The following TRAPPC11 variants were observed in gnomAD, a reference collection of about 807,000 sequenced individuals.
TRAPPC11 encodes the protein trafficking protein particle complex subunit 11, also known as foie gras homolog.
TRAPPC11 carries 104 observed loss-of-function variants against 151.2 expected under a neutral mutation model. That is an observed-to-expected ratio of 0.69 (90% CI 0.59 to 0.81). TRAPPC11 has a LOEUF of 0.81. TRAPPC11 is among the 30% of genes least tolerant of loss of function. The pLI, the probability that TRAPPC11 is intolerant of heterozygous loss-of-function variation, is 0.00. For synonymous variants in TRAPPC11, 456 were observed against 472.3 expected (o/e 0.97, Z 0.45); for missense variants, 1,230 against 1,349.6 (o/e 0.91, Z 1.39).
At chr4:183,687,137 T>C (rs1309557540) in intron 18 of TRAPPC11, among the ~76,000 whole-genome samples, 1 of 152,066 alleles carries the variant, frequency 6.6e-6, no homozygotes. Context: ...GCTGAGATCG[T>C]GCCACTGCAC....
intron 21 of TRAPPC11, 26 bp downstream of exon 21, chr4:183,693,763 A>G: frequency 6.2e-7 from 1 of 1,610,690 alleles, no homozygotes; most frequent in Non-Finnish European, 8.5e-7. Flanking sequence ...TGTAAGTTTG[A>G]TCAGTATTAA....
rs59341928 is a variant in TRAPPC11 at position 183,692,854 on chromosome 4, A to G, written c.2050-106A>G. On this transcript the variant is annotated intron_variant, in intron 19 of 29. Coordinates refer to ENST00000334690, the MANE Select transcript of TRAPPC11 (RefSeq NM_021942.6). ...CACTTCTGTCACACTGGGGGTCTCT[A>G]GATGAACTCCATGGTCTTAGCAGTC... is the stretch of plus-strand genomic sequence containing the variant. 0.24 allele frequency: 235,483 copies of G among 998,222 alleles called. 28,870 individuals carry two copies. Among genetic ancestry groups the G allele is most frequent in the African/African-American group, 0.33 (20,024 of 60,528 alleles). The allele number at this position is 998,222 out of a possible 1,614,324, so 61.8% of individuals were successfully genotyped here. A position where few individuals can be genotyped will look rare whatever the true frequency, so the allele number is the denominator to read the frequency against.
intron 4 of TRAPPC11, among the ~76,000 whole-genome samples, chr4:183,667,460 A>C (rs1259830571): frequency 6.6e-6 from 1 of 152,148 alleles, no homozygotes; most frequent in Non-Finnish European, 1.5e-5. Flanking sequence ...AAGCTTTCCA[A>C]AAAAGAATAT....
At chr4:183,675,511 C>A in intron 7 of TRAPPC11, 1 of 196,150 alleles carries the variant, frequency 5.1e-6, no homozygotes, top group Non-Finnish European at 1.0e-5. Flanking sequence ...AAAATTTTCC[C>A]CATCTTCTTG....
At chr4:183,698,550 A>G (rs571428091) in intron 25 of TRAPPC11, among the ~76,000 whole-genome samples, 1 of 152,176 alleles carries the variant, frequency 6.6e-6, no homozygotes, top group Non-Finnish European at 1.5e-5. Flanking sequence ...ATGAACTTGG[A>G]TGGTTCCTTT....
At chr4:183,676,864 A>C (rs1215814311) in intron 7 of TRAPPC11, among the ~76,000 whole-genome samples, 1 of 152,172 alleles carries the variant, frequency 6.6e-6, no homozygotes, top group East Asian at 1.9e-4. Flanking sequence ...TCCTGGGTTC[A>C]AGGGATTCTC....
intron 18 of TRAPPC11, among the ~76,000 whole-genome samples, chr4:183,687,161 C>G (rs1016059532): frequency 2.6e-5 from 4 of 152,030 alleles, no homozygotes; most frequent in Non-Finnish European, 5.9e-5. Flanking sequence ...AGCCTGGTGA[C>G]AGAGCAAGAT....
intron 16 of TRAPPC11, 23 bp from the exon 17 acceptor site, chr4:183,685,247 GA>G (rs756347662): frequency 8.1e-6 from 13 of 1,611,924 alleles, no homozygotes; most frequent in Non-Finnish European, 1.1e-5. Flanking sequence ...TAGTTGAATG[GA>G]TGTTAACTCT....
At chr4:183,677,881 T>C (rs1382745503) in intron 8 of TRAPPC11, among the ~76,000 whole-genome samples, 1 of 152,180 alleles carries the variant, frequency 6.6e-6, no homozygotes, top group African/African-American at 2.4e-5. Context: ...ATTAGAACTA[T>C]GTGACTTCTT....
At chr4:183,667,224 C>A in intron 4 of TRAPPC11, 94 bp downstream of exon 4, 1 of 955,276 alleles carries the variant, frequency 1.0e-6, no homozygotes, top group Non-Finnish European at 1.6e-6. Flanking sequence ...ATCTTTTATG[C>A]ATTCAGTTAT....
At chr4:183,678,358 C>G (rs921484888) in intron 8 of TRAPPC11, among the ~76,000 whole-genome samples, 3 of 152,184 alleles carry the variant, frequency 2.0e-5, no homozygotes, top group Non-Finnish European at 4.4e-5. Context: ...TCACATTCAT[C>G]TTAAAGATGC....
intron 19 of TRAPPC11, among the ~76,000 whole-genome samples, chr4:183,692,573 A>G (rs1049911784): frequency 3.9e-5 from 6 of 152,198 alleles, no homozygotes; most frequent in Non-Finnish European, 7.3e-5. Flanking sequence ...TTTTTGAGAA[A>G]AATATTTGTG....
At position 183,685,133 on chromosome 4, in the gene TRAPPC11, A is replaced by G. The variant is rs1330498221; in HGVS notation, c.1617A>G (p.Ile539Met). 3 of 1,613,952 alleles carry G rather than the reference A, an allele frequency of 1.9e-6. No homozygotes were observed. Among genetic ancestry groups the G allele is most frequent in the African/African-American group, 1.3e-5 (1 of 75,062 alleles). ...AGTCTCGGATAGAAAAGAACCTCAT[A>G]AATGTTTTAATGGTAGGTTGGAATT... ...DQKSRIEKNL[I>M]NVLMNESPDP... Residue 539 changes from isoleucine (I) to methionine (M), a missense_variant, in exon 16 of 30, where the codon ATA becomes ATG. Physicochemically the swap from Ile to Met is conservative, Grantham distance 10 (BLOSUM62 1). Transcript: ENST00000334690.
intron 5 of TRAPPC11, among the ~76,000 whole-genome samples, chr4:183,670,598 A>G (rs1217392144): frequency 2.0e-5 from 3 of 152,122 alleles, no homozygotes; most frequent in Non-Finnish European, 4.4e-5. Flanking sequence ...AAATATTGGA[A>G]GCAGTTTTCT....
chr4:183,695,408 T>C (rs773040470), intron 23 of TRAPPC11, among the ~76,000 whole-genome samples: 7 of 152,078 alleles, frequency 4.6e-5, no homozygotes, highest in Non-Finnish European at 7.3e-5. Flanking sequence ...TTGGTAAAAA[T>C]TGTTTTCGGT....
At chr4:183,661,757 CTTTTTTTTTT>C (rs562308106) in intron 1 of TRAPPC11, among the ~76,000 whole-genome samples, 1 of 100,108 alleles carries the variant, frequency 1.0e-5, no homozygotes, top group Non-Finnish European at 1.9e-5. Context: ...TTTGGAATAA[CTTTTTTTTTT>C]TTTTTTTTTT....
Position 183,694,443 on chromosome 4 carries a change from G to T in TRAPPC11, c.2509-161G>T, listed in dbSNP as rs181232268. Among the ~76,000 whole-genome samples the T allele has an allele frequency of 1.1e-4, 17 of 152,298 alleles. No individual in the cohort carries two copies. The East Asian group carries it at 2.5e-3, about 22-fold the overall frequency. On this transcript the variant is annotated intron_variant, in intron 22 of 29. Coordinates refer to ENST00000334690, the MANE Select transcript of TRAPPC11 (RefSeq NM_021942.6). The stretch of plus-strand genomic sequence containing the variant: ...TGTAATCAGAGTACTCTACTACAGT[G>T]GGAGCATTGATGAGTTACATTGTAA...
intron 5 of TRAPPC11, among the ~76,000 whole-genome samples, chr4:183,673,784 T>G (rs1457404489): frequency 6.6e-6 from 1 of 152,250 alleles, no homozygotes; most frequent in Non-Finnish European, 1.5e-5. Flanking sequence ...GTCTTTTATC[T>G]GGCTATGAGT....
intron 7 of TRAPPC11, among the ~76,000 whole-genome samples, chr4:183,676,031 AT>A: frequency 6.6e-6 from 1 of 152,352 alleles, no homozygotes; most frequent in Non-Finnish European, 1.5e-5. Context: ...TAATTTTATT[AT>A]TCACAGGAAT....
Sources: gnomAD v4.1 joint callset for allele counts (sites outside exome capture counted in the v4.1 genomes callset) on GRCh38, gnomAD v4.1.1 for gene constraint, MANE v1.5 for transcripts, NCBI Gene and HGNC (gene_info 2026-07-23, HGNC 2026-07-21) for gene names.